EML5: variants seen among roughly 807,000 people sequenced by gnomAD.
The protein encoded by EML5 is echinoderm microtubule-associated protein-like 5.
Under a neutral mutation model 250.0 loss-of-function variants are expected in EML5, and 120 were observed. The ratio of observed to expected loss-of-function variants is 0.48; its 90% confidence interval spans 0.41 to 0.56. EML5 has a LOEUF of 0.56. Among genes scored for constraint, EML5 ranks in the 20% least tolerant of loss-of-function variants. The pLI is 0.00. For missense variants in EML5, 2,006 were observed against 2,437.6 expected, an observed-to-expected ratio of 0.82 and a Z score of 3.73; for synonymous variants, 771 against 806.5, an observed-to-expected ratio of 0.96 and a Z score of 0.75.
At position 88,792,950 on chromosome 14, in the gene EML5, G is replaced by A. The variant is rs913636409; in HGVS notation, c.-447C>T. The stretch of plus-strand genomic sequence containing the variant: ...CGCCGCGCACCCCGAAACCGAGCGA[G>A]CCGAGCCGAGCCGAGCCGAGCGGCG... On this transcript the variant is annotated 5_prime_UTR_variant, in exon 1 of 44. Transcript: ENST00000554922. This position sits in a 1 kb window ranked among gnomAD's most constrained non-coding sequence, Gnocchi z 6.9. Among the ~76,000 whole-genome samples the A allele has an allele frequency of 5.3e-5, 8 of 151,716 alleles. No individual in the cohort carries two copies. Among genetic ancestry groups the A allele is most frequent in the African/African-American group, 1.4e-4 (6 of 41,442 alleles).
At chr14:88,786,747 C>T (rs2094554966) in intron 1 of EML5, among the ~76,000 whole-genome samples, 1 of 152,172 alleles carries the variant, frequency 6.6e-6, no homozygotes, top group South Asian at 2.1e-4. Flanking sequence ...CTCATTTTCT[C>T]GTGCTGCCGC....
intron 2 of EML5, among the ~76,000 whole-genome samples, chr14:88,747,528 G>A (rs554826172): frequency 3.0e-4 from 46 of 151,936 alleles, no homozygotes; most frequent in African/African-American, 6.3e-4. Flanking sequence ...CAGCAAAGTC[G>A]GCCTTGCAAA....
At chr14:88,739,361 C>T (rs2093891362) in intron 5 of EML5, among the ~76,000 whole-genome samples, 1 of 152,072 alleles carries the variant, frequency 6.6e-6, no homozygotes, top group Non-Finnish European at 1.5e-5. Flanking sequence ...GCAGGTTTCC[C>T]AGGGCAAGAC....
chr14:88,636,273 A>C (rs937047396), intron 32 of EML5, among the ~76,000 whole-genome samples: 2 of 152,166 alleles, frequency 1.3e-5, no homozygotes, highest in South Asian at 4.1e-4. Context: ...GGTCCAGTGG[A>C]GAAGTAGGCT....
chr14:88,692,685 T>C (rs574148644), intron 17 of EML5, among the ~76,000 whole-genome samples: 1 of 152,312 alleles, frequency 6.6e-6, no homozygotes, highest in South Asian at 2.1e-4. Flanking sequence ...GAATTTGCAA[T>C]TACAAGTGAC....
In EML5 at chr14:88,736,335, C is replaced by A. The variant is rs376097064; in HGVS notation, c.1049+29G>T. ...ATGTTTATCTAAGGATACATTCCAG[C>A]CTATGGAATTAGTTTATAATTTGCT... On this transcript the variant is annotated intron_variant, in intron 7 of 43. Coordinates refer to ENST00000554922, the MANE Select transcript of EML5 (RefSeq NM_183387.3). 9.4e-6 allele frequency: 15 copies of A among 1,603,494 alleles called. No individual in the cohort carries two copies. In the African/African-American group the frequency reaches 1.6e-4, roughly 17 times the overall value.
At chr14:88,619,116 A>C (rs976049000) in intron 39 of EML5, 1 of 188,724 alleles carries the variant, frequency 5.3e-6, no homozygotes, top group African/African-American at 2.3e-5. Flanking sequence ...CTATAATCCC[A>C]GAACTTTGGG....
intron 1 of EML5, among the ~76,000 whole-genome samples, chr14:88,761,725 T>C (rs761663802): frequency 5.9e-5 from 9 of 152,194 alleles, no homozygotes; most frequent in Non-Finnish European, 1.3e-4. Flanking sequence ...AATGGGATTC[T>C]TGGGTCAAAC....
At chr14:88,664,911 G>GA (rs2092261699) in intron 22 of EML5, among the ~76,000 whole-genome samples, 1 of 151,886 alleles carries the variant, frequency 6.6e-6, no homozygotes, top group African/African-American at 2.4e-5. Flanking sequence ...TCTAAATTTA[G>GA]AAAAAAATGG....
At chr14:88,654,511 T>G (rs910521359) in intron 27 of EML5, among the ~76,000 whole-genome samples, 1 of 152,206 alleles carries the variant, frequency 6.6e-6, no homozygotes, top group Non-Finnish European at 1.5e-5. Flanking sequence ...AAGAACTTAT[T>G]TATTTCTGCC....
chr14:88,638,614 A>ACTCACT lies in EML5; in HGVS notation c.4336+194_4336+195insAGTGAG, dbSNP rs761297932. On this transcript the variant is annotated intron_variant, in intron 32 of 43. Transcript: ENST00000554922. Reference sequence around the variant, plus strand: ...TTTAAATTTTGGATTGTCAAGACCAACTCAGATAACCAGAGTGAGTGAGAG... The same window carrying ACTCACT: ...TTTAAATTTTGGATTGTCAAGACCAACTCACTCTCAGATAACCAGAGTGAGTGAGAG... 8.9e-4 allele frequency among the ~76,000 whole-genome samples: 135 copies of ACTCACT among 152,358 alleles called. 2 individuals are homozygous for ACTCACT. The Middle Eastern group carries it at 0.02, about 23-fold the overall frequency.
In EML5 at chr14:88,694,419, A is replaced by T; in HGVS notation, c.2439-12T>A. 6 of 1,519,752 alleles carry T rather than the reference A, an allele frequency of 3.9e-6. No individual in the cohort carries two copies. The highest frequency in any genetic ancestry group is 5.4e-6 in the Non-Finnish European group (6 of 1,115,578). The allele number at this position is 1,519,752 out of a possible 1,614,324, so 94.1% of individuals were successfully genotyped here. On this transcript the variant is annotated splice_polypyrimidine_tract_variant and intron_variant, in intron 16 of 43. Coordinates refer to ENST00000554922, the MANE Select transcript of EML5 (RefSeq NM_183387.3). ...TATCTTTACTTCCTCTGAAATAAACATCGAAATGTTTTAGCTCTGAAGATT... is the reference window on the plus strand; with the variant it reads ...TATCTTTACTTCCTCTGAAATAAACTTCGAAATGTTTTAGCTCTGAAGATT...
Position 88,740,486 on chromosome 14 carries a change from G to T in EML5, c.612C>A (p.Ala204=), listed in dbSNP as rs1423659124. The T allele has an allele frequency of 6.2e-7, 1 of 1,613,824 alleles. No homozygotes were observed. The highest frequency in any genetic ancestry group is 1.1e-5 in the South Asian group (1 of 91,072). Residue 204 remains alanine, a synonymous_variant, in exon 5 of 44, where the codon GCC becomes GCA. Transcript: ENST00000554922. ...TGDLQTILCL[A]CARDELTYSG... ...AATATGTTAATTCATCCCTTGCACA[G>T]GCTAGGCACAGTATTGTCTGAAGGT...
intron 29 of EML5, 110 bp from the exon 30 acceptor site, chr14:88,644,621 G>A: frequency 2.2e-6 from 2 of 927,236 alleles, no homozygotes; most frequent in Admixed American, 4.4e-5. Context: ...TCCCAAAGAT[G>A]ACCCATTCTG....
At chr14:88,639,655 C>T (rs940640124) in intron 31 of EML5, among the ~76,000 whole-genome samples, 1 of 152,166 alleles carries the variant, frequency 6.6e-6, no homozygotes, top group South Asian at 2.1e-4. Context: ...TGGCTCATTG[C>T]AACCTCCACT....
At chr14:88,756,570 T>C (rs573275763) in intron 1 of EML5, among the ~76,000 whole-genome samples, 15 of 152,084 alleles carry the variant, frequency 9.9e-5, no homozygotes, top group Admixed American at 1.3e-4. Flanking sequence ...TGATCATATA[T>C]ACAGAAAATC....
At chr14:88,709,506 C>A (rs1595609331) in intron 10 of EML5, among the ~76,000 whole-genome samples, 1 of 152,108 alleles carries the variant, frequency 6.6e-6, no homozygotes, top group Non-Finnish European at 1.5e-5. Flanking sequence ...AGATGGTTAA[C>A]CTCATTTGTA....
chr14:88,644,919 C>T (rs2091268269), intron 29 of EML5, among the ~76,000 whole-genome samples: 3 of 151,984 alleles, frequency 2.0e-5, no homozygotes, highest in Non-Finnish European at 4.4e-5. Flanking sequence ...ACCATGTTGG[C>T]CAGGCTGGTC....
chr14:88,678,738 T>C (rs10438198), intron 21 of EML5, among the ~76,000 whole-genome samples: 16,682 of 152,150 alleles, frequency 0.11, 1,007 homozygotes, highest in African/African-American at 0.14. Context: ...TTCACAGAGA[T>C]AATAAAGGTC....
Sources: allele counts gnomAD v4.1 joint callset (sites outside exome capture counted in the v4.1 genomes callset), GRCh38; gene constraint gnomAD v4.1.1; non-coding constraint Gnocchi (gnomAD v3.1); transcripts MANE v1.5; gene names NCBI Gene and HGNC (gene_info 2026-07-23, HGNC 2026-07-21).